CADM2: variants seen among roughly 807,000 people sequenced by gnomAD.
CADM2 encodes cell adhesion molecule 2.
CADM2 carries 12 observed loss-of-function variants against 49.8 expected under a neutral mutation model. The observed-to-expected ratio is 0.24, with a 90% CI of 0.15 to 0.39. The LOEUF (loss-of-function observed/expected upper bound fraction) is 0.39. CADM2 is among the 10% of genes least tolerant of loss of function. The pLI is 1.00. For synonymous variants in CADM2, 214 were observed against 175.4 expected (o/e 1.22, Z -1.74); for missense variants, 378 against 492.3 (o/e 0.77, Z 2.20).
chr3:85,559,134 A>G (rs1198912697), intron 1 of CADM2, among the ~76,000 whole-genome samples: 2 of 152,002 alleles, frequency 1.3e-5, no homozygotes, highest in Non-Finnish European at 2.9e-5. Flanking sequence ...CTCTCCATTT[A>G]TTTAATTATC....
At chr3:85,316,457 G>T (rs747041141) in intron 1 of CADM2, among the ~76,000 whole-genome samples, 3 of 152,086 alleles carry the variant, frequency 2.0e-5, no homozygotes, top group Non-Finnish European at 2.9e-5. Context: ...ATATTTCATT[G>T]TTTTATTTTC....
chr3:85,078,261 T>G (rs2037025452), intron 1 of CADM2, among the ~76,000 whole-genome samples: 3 of 151,988 alleles, frequency 2.0e-5, no homozygotes, highest in Admixed American at 1.3e-4. Context: ...TCATATCTGG[T>G]GATCAACCAG....
chr3:85,034,680 A>G (rs2035132617), intron 1 of CADM2, among the ~76,000 whole-genome samples: 2 of 152,000 alleles, frequency 1.3e-5, no homozygotes, highest in Non-Finnish European at 1.5e-5. Flanking sequence ...ACTGTTCTCC[A>G]TAATGGTTGT....
intron 1 of CADM2, among the ~76,000 whole-genome samples, chr3:85,116,643 T>C (rs1474562442): frequency 6.6e-6 from 1 of 152,188 alleles, no homozygotes; most frequent in Non-Finnish European, 1.5e-5. Context: ...TAATATTTAT[T>C]GCTTATTATT....
intron 1 of CADM2, among the ~76,000 whole-genome samples, chr3:85,591,418 A>AAC (rs62793760): frequency 0.59 from 90,038 of 151,624 alleles, 28,208 homozygotes; most frequent in East Asian, 0.93. Flanking sequence ...ATTACATTAA[A>AAC]ACAGTTGGGT....
At chr3:85,242,846 A>C (rs1419066155) in intron 1 of CADM2, among the ~76,000 whole-genome samples, 1 of 151,774 alleles carries the variant, frequency 6.6e-6, no homozygotes, top group Non-Finnish European at 1.5e-5. Flanking sequence ...TTGGTTGTGG[A>C]ATTTATAATT....
intron 1 of CADM2, among the ~76,000 whole-genome samples, chr3:85,375,353 G>T (rs1042273451): frequency 6.6e-6 from 1 of 152,128 alleles, no homozygotes; most frequent in Non-Finnish European, 1.5e-5. Flanking sequence ...TCAAGAAGGA[G>T]CCTAAACACA....
intron 1 of CADM2, among the ~76,000 whole-genome samples, chr3:85,707,647 T>G (rs1004311995): frequency 2.0e-5 from 3 of 152,142 alleles, no homozygotes; most frequent in Non-Finnish European, 4.4e-5. Flanking sequence ...CACGTCAACT[T>G]TCTCTTGGAG....
chr3:85,274,892 A>C (rs895756128), intron 1 of CADM2, among the ~76,000 whole-genome samples: 2 of 151,506 alleles, frequency 1.3e-5, no homozygotes, highest in East Asian at 1.9e-4. Flanking sequence ...AGAGACACTG[A>C]GTAAACAACA....
intron 1 of CADM2, among the ~76,000 whole-genome samples, chr3:85,270,477 T>A (rs114566825): frequency 2.6e-3 from 393 of 151,500 alleles, no homozygotes; most frequent in Non-Finnish European, 4.6e-3. Context: ...GCCTAAAACA[T>A]TCTGTTCAGA....
At chr3:85,165,786 CA>C (rs2040455941) in intron 1 of CADM2, among the ~76,000 whole-genome samples, 1 of 151,736 alleles carries the variant, frequency 6.6e-6, no homozygotes, top group Non-Finnish European at 1.5e-5. Flanking sequence ...GTAAGTGATA[CA>C]GTATTTGCCT....
chr3:85,280,819 T>C (rs1336841088), intron 1 of CADM2, among the ~76,000 whole-genome samples: 1 of 151,804 alleles, frequency 6.6e-6, no homozygotes, highest in African/African-American at 2.4e-5. Flanking sequence ...AATCATCTAG[T>C]TAGCAAAACA....
At chr3:85,506,775 T>G (rs1484563369) in intron 1 of CADM2, among the ~76,000 whole-genome samples, 1 of 152,136 alleles carries the variant, frequency 6.6e-6, no homozygotes, top group Non-Finnish European at 1.5e-5. Context: ...TGATATATAC[T>G]TCATGAAAGA....
intron 3 of CADM2, among the ~76,000 whole-genome samples, chr3:85,808,288 T>A (rs920338421): frequency 1.4e-4 from 21 of 152,200 alleles, no homozygotes; most frequent in African/African-American, 5.1e-4. Context: ...AACATTCACT[T>A]GTTATAATCC....
At chr3:85,269,274 T>C (rs1356558761) in intron 1 of CADM2, among the ~76,000 whole-genome samples, 1 of 151,424 alleles carries the variant, frequency 6.6e-6, no homozygotes, top group Non-Finnish European at 1.5e-5. Context: ...CACGGAATTA[T>C]TTTTAGTTAT....
chr3:85,252,899 T>C (rs2042806147), intron 1 of CADM2, among the ~76,000 whole-genome samples: 1 of 152,014 alleles, frequency 6.6e-6, no homozygotes, highest in Non-Finnish European at 1.5e-5. Context: ...AAAATTCCTA[T>C]AAAGCTTTGG....
intron 1 of CADM2, among the ~76,000 whole-genome samples, chr3:85,321,465 A>G (rs2044611393): frequency 6.6e-6 from 1 of 151,908 alleles, no homozygotes; most frequent in African/African-American, 2.4e-5. Context: ...GATTACAAAC[A>G]TGAGCCACTG....
intron 1 of CADM2, among the ~76,000 whole-genome samples, chr3:85,725,240 A>T (rs1054303857): frequency 1.3e-5 from 2 of 151,966 alleles, no homozygotes; most frequent in Non-Finnish European, 2.9e-5. Context: ...TGCAAATAGT[A>T]AGGCAGTTTT....
intron 3 of CADM2, among the ~76,000 whole-genome samples, chr3:85,860,197 C>T (rs2075472634): frequency 6.6e-6 from 1 of 151,982 alleles, no homozygotes; most frequent in Admixed American, 6.6e-5. Context: ...GTAGCAAATC[C>T]ATTCATTCAT....
Sources: allele counts gnomAD v4.1 joint callset (sites outside exome capture counted in the v4.1 genomes callset), GRCh38; gene constraint gnomAD v4.1.1; transcripts MANE v1.5; gene names NCBI Gene and HGNC (gene_info 2026-07-23, HGNC 2026-07-21).